The following PCDHGA8 variants were observed in gnomAD, a reference collection of about 807,000 sequenced individuals.
PCDHGA8 encodes protocadherin gamma subfamily A, 8.
Under a neutral mutation model 59.2 loss-of-function variants are expected in PCDHGA8, and 45 were observed. That is an observed-to-expected ratio of 0.76 (90% confidence interval 0.60 to 0.98). The LOEUF (loss-of-function observed/expected upper bound fraction) is 0.98. PCDHGA8 is among the 50% of genes least tolerant of loss of function. The probability of loss-of-function intolerance (pLI) is 0.00; values close to 1 mark genes in which losing one functional copy is unlikely to be tolerated. For missense variants in PCDHGA8, 1,257 were observed against 1,196.2 expected, an observed-to-expected ratio of 1.05 and a Z score of -0.75; for synonymous variants, 531 against 519.0, an observed-to-expected ratio of 1.02 and a Z score of -0.32.
Position 141,489,653 on chromosome 5 carries a change from G to A in PCDHGA8, c.2425-5154G>A, listed in dbSNP as rs752269910. 2.0e-5 allele frequency: 33 copies of A among 1,614,164 alleles called. No individual in the cohort carries two copies. In the East Asian group the frequency reaches 4.9e-4, roughly 24 times the overall value. ...TCTCCTAGCTTTGCCACCCCTGAGC[G>A]AGAGATGCGCATCTCAGAATCAGCA... On this transcript the variant is annotated intron_variant, in intron 1 of 3. Transcript: ENST00000398604. This position sits in a 1 kb window ranked among gnomAD's most constrained non-coding sequence, Gnocchi z 4.5.
intron 1 of PCDHGA8, chr5:141,419,144 A>G: frequency 6.2e-7 from 1 of 1,613,940 alleles, no homozygotes; most frequent in South Asian, 1.1e-5. Context: ...AGACAGGGGC[A>G]AGCCTCCGTT....
intron 1 of PCDHGA8, among the ~76,000 whole-genome samples, chr5:141,451,788 A>C (rs531473040): frequency 6.6e-6 from 1 of 152,140 alleles, no homozygotes; most frequent in African/African-American, 2.4e-5. Flanking sequence ...GGCTGAGGCC[A>C]GAGAATTGCT....
At position 141,419,294 on chromosome 5, in the gene PCDHGA8, C is replaced by T. The variant is rs770303087; in HGVS notation, c.2424+24057C>T. ...CATAGCGCAAGTCAGTGCCTCTGAC[C>T]CAGACTTCGGGCTCAACGGCCGTGT... On this transcript the variant is annotated intron_variant, in intron 1 of 3. Transcript: ENST00000398604. The T allele has an allele frequency of 1.9e-6, 3 of 1,614,036 alleles. No homozygotes were observed. Among genetic ancestry groups the T allele is most frequent in the East Asian group, 2.2e-5 (1 of 44,886 alleles).
At chr5:141,418,717 C>G in intron 1 of PCDHGA8, 2 of 1,613,938 alleles carry the variant, frequency 1.2e-6, no homozygotes, top group Non-Finnish European at 1.7e-6. Context: ...GTGTGGCTGA[C>G]AAAGCTCAGC....
intron 1 of PCDHGA8, chr5:141,417,615 A>G (rs908930043): frequency 3.2e-6 from 2 of 629,140 alleles, no homozygotes; most frequent in Non-Finnish European, 5.1e-6. Flanking sequence ...CGGCCAGTGC[A>G]GAGCAAGCGC....
intron 1 of PCDHGA8, chr5:141,399,141 C>T (rs778835051): frequency 1.9e-6 from 3 of 1,613,660 alleles, no homozygotes; most frequent in African/African-American, 1.3e-5. Flanking sequence ...ATGAAAATGA[C>T]AATAGCCCAG....
At chr5:141,478,683 C>G (rs1355955377) in intron 1 of PCDHGA8, 14 of 1,551,164 alleles carry the variant, frequency 9.0e-6, no homozygotes, top group African/African-American at 1.4e-5. Flanking sequence ...CTGGCCCTTC[C>G]TAGATCAAAG....
At chr5:141,423,102 C>A (rs778561065) in intron 1 of PCDHGA8, 2 of 1,613,802 alleles carry the variant, frequency 1.2e-6, no homozygotes, top group Non-Finnish European at 1.7e-6. Flanking sequence ...AGCACACGGG[C>A]GAGGTGCGTA....
intron 1 of PCDHGA8, chr5:141,395,547 TGTGTG>T (rs2093267739): frequency 0.011 from 1,902 of 174,314 alleles, 94 homozygotes; most frequent in African/African-American, 0.026. Flanking sequence ...ATTGTTTGTG[TGTGTG>T]TGTGTGTGTG....
intron 1 of PCDHGA8, chr5:141,423,913 C>T: frequency 7.9e-7 from 1 of 1,269,552 alleles, no homozygotes; most frequent in Non-Finnish European, 1.0e-6. Context: ...AGGGGCCATT[C>T]AACTATGCTG....
intron 1 of PCDHGA8, chr5:141,398,960 C>A (rs779158655): frequency 3.1e-6 from 5 of 1,613,986 alleles, no homozygotes. Flanking sequence ...TCAGAAATTA[C>A]TTATTCCTTC....
chr5:141,415,740 G>GTTTTTTTTT (rs57426385), intron 1 of PCDHGA8: 68 of 625,028 alleles, frequency 1.1e-4, no homozygotes, highest in African/African-American at 1.3e-4. Context: ...GTTTATTAAG[G>GTTTTTTTTT]TTTTTTTTTT....
chr5:141,507,937 A>T (rs2154594220), intron 3 of PCDHGA8: 1 of 152,420 alleles, frequency 6.6e-6, no homozygotes, highest in Admixed American at 6.5e-5. Context: ...AGAGGGGTTA[A>T]GTAAGAGGGA....
intron 1 of PCDHGA8, chr5:141,395,576 G>A: frequency 4.2e-6 from 1 of 237,360 alleles, no homozygotes; most frequent in Non-Finnish European, 8.1e-6. Flanking sequence ...GTGTGTGTGT[G>A]TGTGTGTGTG....
At position 141,487,748 on chromosome 5, in the gene PCDHGA8, T is replaced by C. The variant is rs1458153935; in HGVS notation, c.2425-7059T>C. On this transcript the variant is annotated intron_variant, in intron 1 of 3. Coordinates refer to ENST00000398604, the MANE Select transcript of PCDHGA8 (RefSeq NM_032088.2). The surrounding 1 kb of genome is among the most constrained non-coding windows in gnomAD (Gnocchi z 5.0). ...TGTCACCATTTTTGTAAGAGGTAAC[T>C]ATGTGGTAGACGCTGTGCTTTGTAA... 1 of 1,557,436 alleles carries C rather than the reference T, an allele frequency of 6.4e-7. No individual in the cohort carries two copies. Among genetic ancestry groups the C allele is most frequent in the Non-Finnish European group, 8.7e-7 (1 of 1,149,514 alleles).
rs1011731430 is a variant in PCDHGA8, at chr5:141,489,676, G to A, written c.2425-5131G>A. 6.2e-7 allele frequency: 1 copy of A among 1,614,158 alleles called. No individual in the cohort carries two copies. The highest frequency in any genetic ancestry group is 8.5e-7 in the Non-Finnish European group (1 of 1,180,008). On this transcript the variant is annotated intron_variant, in intron 1 of 3. Coordinates refer to ENST00000398604, the MANE Select transcript of PCDHGA8 (RefSeq NM_032088.2). This position sits in a 1 kb window ranked among gnomAD's most constrained non-coding sequence, Gnocchi z 4.5. ...GCGAGAGATGCGCATCTCAGAATCAGCAGCATCTGGGGCACGATTCCCACT... is the reference window on the plus strand; with the variant it reads ...GCGAGAGATGCGCATCTCAGAATCAACAGCATCTGGGGCACGATTCCCACT...
intron 1 of PCDHGA8, chr5:141,414,753 T>A: frequency 6.2e-7 from 1 of 1,614,202 alleles, no homozygotes; most frequent in Non-Finnish European, 8.5e-7. Flanking sequence ...CCTTCGACTA[T>A]GAGCAGTTTC....
In PCDHGA8 at chr5:141,486,709, C is replaced by G. The variant is rs1485764871; in HGVS notation, c.2425-8098C>G. ...CTTCCTCTTTCATCTCTCTGAACCC[C>G]CAGACAGGAGCTGTTCATGCTACTC... On this transcript the variant is annotated intron_variant, in intron 1 of 3. Coordinates refer to ENST00000398604, the MANE Select transcript of PCDHGA8 (RefSeq NM_032088.2). The surrounding 1 kb of genome is among the most constrained non-coding windows in gnomAD (Gnocchi z 5.0). 1 of 1,614,182 alleles carries G rather than the reference C, an allele frequency of 6.2e-7. No individual in the cohort carries two copies. Among genetic ancestry groups the G allele is most frequent in the Middle Eastern group, 1.6e-4 (1 of 6,062 alleles).
At position 141,430,895 on chromosome 5, in the gene PCDHGA8, G is replaced by A. The variant is rs775296800; in HGVS notation, c.2424+35658G>A. 6.9e-6 allele frequency: 11 copies of A among 1,605,692 alleles called. No individual in the cohort carries two copies. The Admixed American group carries it at 1.0e-4, about 15-fold the overall frequency. ...AGAGCTGGAGAAAGGCTCTAGGGTG[G>A]GCGACATCTCCAGGGACCTGGGGCT... On this transcript the variant is annotated intron_variant, in intron 1 of 3. Coordinates refer to ENST00000398604, the MANE Select transcript of PCDHGA8 (RefSeq NM_032088.2).
Sources: gnomAD v4.1 joint callset for allele counts (sites outside exome capture counted in the v4.1 genomes callset) on GRCh38, gnomAD v4.1.1 for gene constraint, Gnocchi (gnomAD v3.1) non-coding constraint, MANE v1.5 for transcripts, NCBI Gene and HGNC (gene_info 2026-07-23, HGNC 2026-07-21) for gene names.